ATAD2: variants seen among roughly 807,000 people sequenced by gnomAD.
ATAD2 encodes ATPase family AAA domain containing 2.
Under a neutral mutation model 168.9 loss-of-function variants are expected in ATAD2, and 62 were observed. The ratio of observed to expected loss-of-function variants is 0.37; its 90% CI spans 0.30 to 0.45. ATAD2 has a LOEUF of 0.45. ATAD2 is among the 20% of genes least tolerant of loss of function. ATAD2 has a pLI of 1.00. For synonymous variants in ATAD2, 613 were observed against 571.6 expected (o/e 1.07, Z -1.03); for missense variants, 1,419 against 1,667.8 (o/e 0.85, Z 2.60).
chr8:123,413,752 C>T (rs1383926672), intron 1 of ATAD2, among the ~76,000 whole-genome samples: 1 of 152,072 alleles, frequency 6.6e-6, no homozygotes, highest in East Asian at 1.9e-4. Flanking sequence ...AAAAAAGCTC[C>T]AGGAAGATGG....
At chr8:123,380,891 T>C (rs757572937) in intron 1 of ATAD2, 33 of 522,886 alleles carry the variant, frequency 6.3e-5, no homozygotes, top group Middle Eastern at 5.3e-4. Flanking sequence ...TAATATAAGA[T>C]TTACTGGTTT....
chr8:123,369,932 C>G lies in ATAD2; in HGVS notation c.820G>C (p.Asp274His). The G allele has an allele frequency of 6.3e-7, 1 of 1,581,600 alleles. No homozygotes were observed. The highest frequency in any genetic ancestry group is 2.2e-5 in the East Asian group (1 of 44,548). ...DDDDDDDDDDDDDDEDDEDEE... is the reference protein window; with the variant it reads ...DDDDDDDDDDHDDDEDDEDEE... ...TCTTCATCATCTTCATCATCATCAT[C>G]ATCATCATCATCGTCATCATCATCA... The change falls in exon 7 of 28, where the codon GAT (aspartate) becomes CAT (histidine). Residue 274 changes from aspartate to histidine, a missense_variant. This residue lies in a region of ATAD2 where 419 missense variants were observed against 423.5 expected (regional missense o/e 0.99). Transcript: ENST00000287394.
chr8:123,380,113 G>A (rs1470687269), intron 2 of ATAD2, among the ~76,000 whole-genome samples: 2 of 150,862 alleles, frequency 1.3e-5, no homozygotes, highest in East Asian at 2.0e-4. Flanking sequence ...GTGCAGTGGC[G>A]CGATCTCAGC....
intron 1 of ATAD2, among the ~76,000 whole-genome samples, chr8:123,410,192 T>C (rs137925604): frequency 2.0e-4 from 31 of 152,288 alleles, no homozygotes; most frequent in Non-Finnish European, 4.1e-4. Context: ...AACCAGATCA[T>C]TGGAGTTTGT....
At chr8:123,389,960 T>TTATATATATATATATATATATATATA (rs386360951) in intron 1 of ATAD2, among the ~76,000 whole-genome samples, 11 of 94,032 alleles carry the variant, frequency 1.2e-4, no homozygotes, top group Non-Finnish European at 1.7e-4. Context: ...TACTATTATT[T>TTATATATATATATATATATATATATA]TATATATATA....
intron 1 of ATAD2, 149 bp downstream of exon 1, chr8:123,396,038 G>A: frequency 1.1e-6 from 1 of 933,696 alleles, no homozygotes; most frequent in South Asian, 1.8e-5. Flanking sequence ...GATCCCGAGA[G>A]CTTCCATTTT....
At chr8:123,354,864 A>AAAAAAAATATATATATATATATATAT (rs1554644338) in intron 13 of ATAD2, among the ~76,000 whole-genome samples, 1 of 64,714 alleles carries the variant, frequency 1.5e-5, no homozygotes, top group African/African-American at 8.7e-5. Context: ...AAAAAAAAAA[A>AAAAAAAATATATATATATATATATAT]ATATATATAT....
Position 123,370,859 on chromosome 8 carries a change from T to C in ATAD2, c.727+44A>G, listed in dbSNP as rs368868147. On this transcript the variant is annotated intron_variant, in intron 6 of 27. Transcript: ENST00000287394. ...GGCTATTTTCTACTAAATAAAAAGTTCTTAAATTCAATCCCAGAAGACAGA... is the reference window on the plus strand; with the variant it reads ...GGCTATTTTCTACTAAATAAAAAGTCCTTAAATTCAATCCCAGAAGACAGA... 1.1e-4 allele frequency: 155 copies of C among 1,439,020 alleles called. 1 individual carries two copies. Among genetic ancestry groups the C allele is most frequent in the Non-Finnish European group, 1.4e-4 (147 of 1,052,178 alleles). The allele number at this position is 1,439,020 out of a possible 1,614,324, so 89.1% of individuals were successfully genotyped here.
At chr8:123,400,947 G>A (rs369235938), upstream of ATAD2, 93 of 1,407,102 alleles carry the variant, frequency 6.6e-5, 1 homozygote, top group Admixed American at 8.4e-5. The surrounding 1 kb of genome is among the most constrained non-coding windows in gnomAD (Gnocchi z 4.5). Flanking sequence ...TGAGCCCCTC[G>A]CACCCTGTGG....
At chr8:123,401,682 G>A in intron 1 of ATAD2, 2 of 773,470 alleles carry the variant, frequency 2.6e-6, no homozygotes, top group South Asian at 2.8e-5. Context: ...CTGACTGTGG[G>A]GCACGTCAAG....
At chr8:123,380,090 C>T (rs562563187) in intron 2 of ATAD2, among the ~76,000 whole-genome samples, 2 of 151,604 alleles carry the variant, frequency 1.3e-5, no homozygotes, top group East Asian at 2.0e-4. Flanking sequence ...CTCGCTCTGT[C>T]GCCCAGGCTG....
In ATAD2 at chr8:123,323,019, A is replaced by C; in HGVS notation, c.4050T>G (p.Phe1350Leu). 6.2e-7 allele frequency: 1 copy of C among 1,612,830 alleles called. No individual in the cohort carries two copies. The highest frequency in any genetic ancestry group is 8.5e-7 in the Non-Finnish European group (1 of 1,178,910). ...TTACTGCATACAAATTTTCCAACTG[A>C]AATATGTTGTAGTTTTGACTTTTTT... ...VVKKSQNYNI[F>L]QLENLYAVIS... is the part of the protein sequence containing the mutation. The change falls in exon 27 of 28, where the codon TTT (phenylalanine) becomes TTG (leucine). Residue 1350 changes from phenylalanine to leucine, a missense_variant. Physicochemically the swap from Phe to Leu is conservative, Grantham distance 22. Coordinates refer to ENST00000287394, the MANE Select transcript of ATAD2 (RefSeq NM_014109.4).
At chr8:123,357,122 T>C (rs1028591415) in intron 12 of ATAD2, among the ~76,000 whole-genome samples, 4 of 151,986 alleles carry the variant, frequency 2.6e-5, no homozygotes, top group African/African-American at 9.7e-5. Flanking sequence ...CTCGGGAGAG[T>C]TCCAAAAAGA....
Position 123,372,704 on chromosome 8 carries a change from A to G in ATAD2, c.321-18T>C, listed in dbSNP as rs755793859. 33 of 1,546,894 alleles carry G rather than the reference A, an allele frequency of 2.1e-5. 1 individual carries two copies. In the South Asian group the frequency reaches 3.9e-4, roughly 18 times the overall value. On this transcript the variant is annotated intron_variant, in intron 2 of 27. Coordinates refer to ENST00000287394, the MANE Select transcript of ATAD2 (RefSeq NM_014109.4). Reference sequence around the variant, plus strand: ...CCAACTGCCTATATTTTAAAAAATTAGATTAATTCAAAATAATTGACATAA... The same window carrying G: ...CCAACTGCCTATATTTTAAAAAATTGGATTAATTCAAAATAATTGACATAA...
At chr8:123,354,795 G>A (rs931977203) in intron 13 of ATAD2, among the ~76,000 whole-genome samples, 3 of 120,744 alleles carry the variant, frequency 2.5e-5, no homozygotes, top group African/African-American at 3.2e-5. Context: ...CCAAGATCAC[G>A]CTATTGCATT....
chr8:123,326,333 CAG>C (rs1191161796), intron 25 of ATAD2, among the ~76,000 whole-genome samples: 1 of 151,954 alleles, frequency 6.6e-6, no homozygotes, highest in African/African-American at 2.4e-5. Flanking sequence ...TAATCTAGAA[CAG>C]GGGTTGTAAA....
chr8:123,325,439 C>G (rs930469545), intron 26 of ATAD2, among the ~76,000 whole-genome samples: 4 of 151,952 alleles, frequency 2.6e-5, no homozygotes, highest in African/African-American at 9.7e-5. Flanking sequence ...CCAGCCACCA[C>G]GCCCAGCTAA....
At chr8:123,350,817 T>C (rs758377382) in intron 13 of ATAD2, among the ~76,000 whole-genome samples, 33 of 151,964 alleles carry the variant, frequency 2.2e-4, no homozygotes, top group Middle Eastern at 3.4e-3. Flanking sequence ...CTCCACCTCC[T>C]GGGTTTACGC....
intron 15 of ATAD2, 132 bp from the exon 16 acceptor site, chr8:123,347,538 G>A: frequency 2.3e-6 from 2 of 874,392 alleles, no homozygotes; most frequent in East Asian, 5.3e-5. Flanking sequence ...ATATTTAAGA[G>A]TAATAAGACC....
Sources: allele counts gnomAD v4.1 joint callset (sites outside exome capture counted in the v4.1 genomes callset), GRCh38; gene constraint gnomAD v4.1.1; regional missense constraint gnomAD v4.1.1; non-coding constraint Gnocchi (gnomAD v3.1); transcripts MANE v1.5; gene names NCBI Gene and HGNC (gene_info 2026-07-23, HGNC 2026-07-21).